Variants in WDR70 observed in about 807,000 individuals in gnomAD.
WDR70 encodes WD repeat-containing protein 70.
A neutral mutation model predicts 88.6 loss-of-function variants in WDR70; 53 were observed. That is an observed-to-expected ratio of 0.60 (90% CI 0.48 to 0.75). The LOEUF is 0.75. WDR70 is among the 30% of genes least tolerant of loss of function. WDR70 has a pLI of 0.00. For synonymous variants in WDR70, 280 were observed against 270.0 expected, an observed-to-expected ratio of 1.04 and a Z score of -0.36; for missense variants, 610 against 823.2, an observed-to-expected ratio of 0.74 and a Z score of 3.17.
At chr5:37,406,145 T>A (rs540493519) in intron 5 of WDR70, among the ~76,000 whole-genome samples, 101 of 152,272 alleles carry the variant, frequency 6.6e-4, no homozygotes, top group Non-Finnish European at 1.3e-3. Context: ...ATATAAAACA[T>A]GAGAAACAGA....
At chr5:37,630,242 T>TCA (rs1358478770) in intron 10 of WDR70, among the ~76,000 whole-genome samples, 1 of 152,214 alleles carries the variant, frequency 6.6e-6, no homozygotes, top group Non-Finnish European at 1.5e-5. Flanking sequence ...AGCACAGGCA[T>TCA]GCTTGTAGTT....
At position 37,525,852 on chromosome 5, in the gene WDR70, C is replaced by T. The variant is rs371010850; in HGVS notation, c.917+9262C>T. Reference sequence around the variant, plus strand: ...AACTACCATCAGAGAATACTATAAACACCTCTAGGCAAATAAACTAGAAAA... The same window carrying T: ...AACTACCATCAGAGAATACTATAAATACCTCTAGGCAAATAAACTAGAAAA... On this transcript the variant is annotated intron_variant, in intron 9 of 17. Coordinates refer to ENST00000265107, the MANE Select transcript of WDR70 (RefSeq NM_018034.4). 1.2e-4 allele frequency among the ~76,000 whole-genome samples: 18 copies of T among 152,318 alleles called. No individual in the cohort carries two copies. In the East Asian group the frequency reaches 2.9e-3, roughly 24 times the overall value.
At chr5:37,423,095 G>T (rs1261991619) in intron 5 of WDR70, among the ~76,000 whole-genome samples, 2 of 152,090 alleles carry the variant, frequency 1.3e-5, no homozygotes, top group African/African-American at 4.8e-5. Context: ...GTGAGGGGGG[G>T]CCTTCTCAGT....
rs4869499 is a variant in WDR70 at position 37,379,975 on chromosome 5, G to A, written c.91+421G>A. ...TTAAAGCTTCTTGATGCTTATTGCC[G>A]TAATACCCATCAAAAAACTTGTTCC... is the stretch of plus-strand genomic sequence containing the variant. On this transcript the variant is annotated intron_variant, in intron 2 of 17. Coordinates refer to ENST00000265107, the MANE Select transcript of WDR70 (RefSeq NM_018034.4). Among the ~76,000 whole-genome samples, 1,079 of 152,126 alleles carry A rather than the reference G, an allele frequency of 7.1e-3. 17 individuals are homozygous for A. Among genetic ancestry groups the A allele is most frequent in the Admixed American group, 0.028 (431 of 15,278 alleles).
At chr5:37,612,928 A>C (rs892762325) in intron 10 of WDR70, among the ~76,000 whole-genome samples, 16 of 152,226 alleles carry the variant, frequency 1.1e-4, no homozygotes, top group African/African-American at 3.9e-4. Flanking sequence ...ATTTCCAAAA[A>C]AGTATATCAT....
chr5:37,561,741 A>C (rs765368039), intron 9 of WDR70, among the ~76,000 whole-genome samples: 11 of 152,212 alleles, frequency 7.2e-5, no homozygotes, highest in Non-Finnish European at 1.5e-4. Context: ...AATCCCTTTT[A>C]TTATAGTTCA....
At chr5:37,569,405 T>G (rs1385261480) in intron 9 of WDR70, among the ~76,000 whole-genome samples, 1 of 152,202 alleles carries the variant, frequency 6.6e-6, no homozygotes, top group Non-Finnish European at 1.5e-5. Flanking sequence ...TTTCTATGGT[T>G]GTTTGCTACC....
chr5:37,464,796 C>G (rs780044892), intron 7 of WDR70, among the ~76,000 whole-genome samples: 1 of 152,152 alleles, frequency 6.6e-6, no homozygotes, highest in African/African-American at 2.4e-5. Context: ...GCAAACTGCA[C>G]GGGTGCTGGA....
At chr5:37,403,853 T>A (rs1749273913) in intron 5 of WDR70, among the ~76,000 whole-genome samples, 1 of 152,114 alleles carries the variant, frequency 6.6e-6, no homozygotes, top group Non-Finnish European at 1.5e-5. Context: ...AGTGATCCTC[T>A]TGCCTCAGCC....
chr5:37,632,175 C>T (rs1744836025), intron 10 of WDR70, among the ~76,000 whole-genome samples: 1 of 152,148 alleles, frequency 6.6e-6, no homozygotes, highest in Non-Finnish European at 1.5e-5. Flanking sequence ...CAATGTGTTA[C>T]TCGTGTTTGT....
chr5:37,396,653 G>C, intron 5 of WDR70, 83 bp downstream of exon 5: 1 of 1,444,436 alleles, frequency 6.9e-7, no homozygotes, highest in Non-Finnish European at 9.1e-7. Context: ...TGTTTTTCAT[G>C]AGTAAGAGCC....
rs932432157 is a variant in WDR70 at position 37,396,614 on chromosome 5, C to A, written c.492+44C>A. On this transcript the variant is annotated intron_variant, in intron 5 of 17. Coordinates refer to ENST00000265107, the MANE Select transcript of WDR70 (RefSeq NM_018034.4). ...ATTTAAGAATTCGGTGGAGTAATAT[C>A]TTTACTGTAGAGATCAGTTCTGCTA... is the stretch of plus-strand genomic sequence containing the variant. 7 of 1,540,370 alleles carry A rather than the reference C, an allele frequency of 4.5e-6. No homozygotes were observed. In the Admixed American group the frequency reaches 9.8e-5, roughly 21 times the overall value.
chr5:37,604,565 T>C (rs1290502315), intron 9 of WDR70, among the ~76,000 whole-genome samples: 1 of 152,232 alleles, frequency 6.6e-6, no homozygotes, highest in Non-Finnish European at 1.5e-5. Context: ...GACAGGTGTA[T>C]TTCTACTTCT....
intron 9 of WDR70, among the ~76,000 whole-genome samples, chr5:37,587,998 T>C (rs200704165): frequency 4.3e-4 from 66 of 152,232 alleles, no homozygotes; most frequent in East Asian, 3.9e-3. Flanking sequence ...AAAAGTCCTG[T>C]TCTATTCATC....
At chr5:37,517,822 ACT>A (rs1307882234) in intron 9 of WDR70, among the ~76,000 whole-genome samples, 4 of 118,390 alleles carry the variant, frequency 3.4e-5, no homozygotes, top group Non-Finnish European at 7.4e-5. Context: ...ATCCAGTTAA[ACT>A]CTTTTAGTTA....
At chr5:37,618,703 T>C (rs867016941) in intron 10 of WDR70, among the ~76,000 whole-genome samples, 3 of 152,282 alleles carry the variant, frequency 2.0e-5, no homozygotes, top group Middle Eastern at 3.4e-3. Context: ...AGGGCTGTTT[T>C]GGCTATGTAG....
chr5:37,473,210 T>C lies in WDR70; in HGVS notation c.687-6624T>C, dbSNP rs1739379726. ...TGTTAAGTATCTATCTTTTTACTTT[T>C]AGTGGGTTGTTGGTCTTTTTATTCT... On this transcript the variant is annotated intron_variant, in intron 7 of 17. Coordinates refer to ENST00000265107, the MANE Select transcript of WDR70 (RefSeq NM_018034.4). Among the ~76,000 whole-genome samples the C allele has an allele frequency of 2.1e-5, 3 of 141,524 alleles. No individual in the cohort carries two copies. In the South Asian group the frequency reaches 7.4e-4, roughly 35 times the overall value. The allele number at this position is 141,524 out of a possible 152,430, so 92.8% of individuals were successfully genotyped here.
intron 6 of WDR70, 119 bp from the exon 7 acceptor site, chr5:37,443,120 T>A: frequency 9.6e-7 from 1 of 1,040,346 alleles, no homozygotes; most frequent in Non-Finnish European, 1.4e-6. Flanking sequence ...CAATAGTTGG[T>A]GGTTTGTACT....
chr5:37,629,944 TG>T (rs1744767073), intron 10 of WDR70, among the ~76,000 whole-genome samples: 1 of 152,236 alleles, frequency 6.6e-6, no homozygotes, highest in African/African-American at 2.4e-5. Context: ...CTCATATAAA[TG>T]GATCTTGGGT....
Sources: allele counts gnomAD v4.1 joint callset (sites outside exome capture counted in the v4.1 genomes callset), GRCh38; gene constraint gnomAD v4.1.1; transcripts MANE v1.5; gene names NCBI Gene and HGNC (gene_info 2026-07-23, HGNC 2026-07-21).